GPR158: variants seen among roughly 807,000 people sequenced by gnomAD.
GPR158 encodes G protein-coupled receptor 158.
GPR158 carries 30 observed loss-of-function variants against 78.2 expected under a neutral mutation model. The ratio of observed to expected loss-of-function variants is 0.38; its 90% CI spans 0.29 to 0.52. The LOEUF (loss-of-function observed/expected upper bound fraction) is 0.52. Ranked by LOEUF, GPR158 falls within the 20% of genes least tolerant of loss-of-function variation. GPR158 has a pLI of 0.83. For synonymous variants in GPR158, 581 were observed against 591.1 expected (o/e 0.98, Z 0.25); for missense variants, 1,463 against 1,523.5 (o/e 0.96, Z 0.66).
At chr10:25,416,063 T>TA (rs1380063435) in intron 4 of GPR158, among the ~76,000 whole-genome samples, 1 of 152,176 alleles carries the variant, frequency 6.6e-6, no homozygotes, top group Non-Finnish European at 1.5e-5. Context: ...TATTAATACT[T>TA]ACCTTCTGGG....
intron 4 of GPR158, among the ~76,000 whole-genome samples, chr10:25,420,483 C>G (rs550792088): frequency 6.6e-6 from 1 of 152,196 alleles, no homozygotes; most frequent in Admixed American, 6.5e-5. Flanking sequence ...TGAAGTGTAT[C>G]TATTTTTTCT....
At chr10:25,207,940 A>G (rs1030446638) in intron 1 of GPR158, among the ~76,000 whole-genome samples, 7 of 152,206 alleles carry the variant, frequency 4.6e-5, no homozygotes, top group African/African-American at 1.4e-4. Flanking sequence ...TTTTGATATT[A>G]TTTTACTCTT....
intron 5 of GPR158, among the ~76,000 whole-genome samples, chr10:25,476,463 A>T (rs1381037213): frequency 6.6e-6 from 1 of 151,636 alleles, no homozygotes; most frequent in Non-Finnish European, 1.5e-5. Flanking sequence ...AAGGACTCCA[A>T]TGCATATGTA....
At chr10:25,280,854 G>A (rs1854259016) in intron 2 of GPR158, among the ~76,000 whole-genome samples, 1 of 152,106 alleles carries the variant, frequency 6.6e-6, no homozygotes, top group South Asian at 2.1e-4. Context: ...TTACTCATCA[G>A]GTTGGACGTG....
intron 4 of GPR158, among the ~76,000 whole-genome samples, chr10:25,442,523 T>C (rs542090702): frequency 6.6e-6 from 1 of 152,054 alleles, no homozygotes; most frequent in Non-Finnish European, 1.5e-5. Context: ...ACCTGGAGTC[T>C]CAACTGCCTA....
chr10:25,333,266 A>G (rs1353048917), intron 2 of GPR158, among the ~76,000 whole-genome samples: 1 of 152,224 alleles, frequency 6.6e-6, no homozygotes, highest in Non-Finnish European at 1.5e-5. Flanking sequence ...GCAGGAGCAC[A>G]TTAGAAATTT....
chr10:25,280,067 A>C lies in GPR158; in HGVS notation c.1008+58910A>C, dbSNP rs369946239. On this transcript the variant is annotated intron_variant, in intron 2 of 10. Transcript: ENST00000376351. ...AGCAATAAAAAAATTCCAAAAAAGCATAGAAAAATCAGGTCAAATAAAAAG... is the reference window on the plus strand; with the variant it reads ...AGCAATAAAAAAATTCCAAAAAAGCCTAGAAAAATCAGGTCAAATAAAAAG... 5.9e-5 allele frequency among the ~76,000 whole-genome samples: 9 copies of C among 152,284 alleles called. No individual in the cohort carries two copies. The East Asian group carries it at 1.2e-3, about 20-fold the overall frequency.
rs541062879 is a variant in GPR158 at position 25,602,144 on chromosome 10, T to C, written c.*2870T>C. On this transcript the variant is annotated 3_prime_UTR_variant, in exon 11 of 11. Coordinates refer to ENST00000376351, the MANE Select transcript of GPR158 (RefSeq NM_020752.3). ...ATCTGAAACCTACAGCATCCCACCA[T>C]GAAATATTTGGTAAATTTATGTTGT... 2.0e-5 allele frequency: 3 copies of C among 152,740 alleles called. No individual in the cohort carries two copies. Among genetic ancestry groups the C allele is most frequent in the East Asian group, 1.9e-4 (1 of 5,178 alleles). 9.5% of individuals were successfully genotyped at this position (152,740 alleles called of 1,614,324 possible).
intron 5 of GPR158, among the ~76,000 whole-genome samples, chr10:25,508,580 C>G (rs1306322704): frequency 6.6e-6 from 1 of 152,106 alleles, no homozygotes; most frequent in Non-Finnish European, 1.5e-5. Flanking sequence ...AGGCCTGTAG[C>G]TGTTTATCAG....
At chr10:25,299,042 T>C (rs1023315069) in intron 2 of GPR158, among the ~76,000 whole-genome samples, 2 of 152,224 alleles carry the variant, frequency 1.3e-5, no homozygotes, top group African/African-American at 4.8e-5. Context: ...TAATTGAACA[T>C]TTCTTTTAAA....
At chr10:25,595,550 G>A (rs1394790171) in intron 9 of GPR158, among the ~76,000 whole-genome samples, 1 of 152,182 alleles carries the variant, frequency 6.6e-6, no homozygotes, top group Non-Finnish European at 1.5e-5. Context: ...ATATCCATAC[G>A]ATGGATTATT....
chr10:25,517,371 T>C (rs1317275853), intron 5 of GPR158, among the ~76,000 whole-genome samples: 16 of 152,196 alleles, frequency 1.1e-4, no homozygotes, highest in South Asian at 6.2e-4. Flanking sequence ...ATTTCCTTCT[T>C]CTGCCTGATT....
At chr10:25,191,946 T>TAA (rs1852776566) in intron 1 of GPR158, among the ~76,000 whole-genome samples, 1 of 152,216 alleles carries the variant, frequency 6.6e-6, no homozygotes, top group Non-Finnish European at 1.5e-5. Flanking sequence ...TCTCTTTATG[T>TAA]AAACATCCTG....
intron 5 of GPR158, among the ~76,000 whole-genome samples, chr10:25,515,113 A>T (rs1374225038): frequency 6.6e-6 from 1 of 151,884 alleles, no homozygotes; most frequent in Non-Finnish European, 1.5e-5. Flanking sequence ...ATGTTTTCCA[A>T]ACTTTTCTTC....
chr10:25,178,206 G>A (rs1250158485), intron 1 of GPR158, among the ~76,000 whole-genome samples: 1 of 152,102 alleles, frequency 6.6e-6, no homozygotes, highest in African/African-American at 2.4e-5. Context: ...GCCCAGAGGG[G>A]TTCAGCTTCT....
At chr10:25,428,236 TTAATATC>T (rs1483380400) in intron 4 of GPR158, among the ~76,000 whole-genome samples, 2 of 152,100 alleles carry the variant, frequency 1.3e-5, no homozygotes, top group African/African-American at 4.8e-5. Flanking sequence ...ATCATTTTGT[TTAATATC>T]TATTTTCTTG....
At chr10:25,368,452 G>A (rs528588386) in intron 2 of GPR158, among the ~76,000 whole-genome samples, 1 of 151,812 alleles carries the variant, frequency 6.6e-6, no homozygotes, top group Non-Finnish European at 1.5e-5. Flanking sequence ...TTCAAAAGAA[G>A]ACATACATAT....
At chr10:25,534,434 C>G (rs1415377766) in intron 5 of GPR158, among the ~76,000 whole-genome samples, 1 of 151,846 alleles carries the variant, frequency 6.6e-6, no homozygotes, top group African/African-American at 2.4e-5. Context: ...GAGGTCAGTT[C>G]GAGACCACCC....
At chr10:25,367,502 T>C (rs534683834) in intron 2 of GPR158, among the ~76,000 whole-genome samples, 163 of 151,990 alleles carry the variant, frequency 1.1e-3, no homozygotes, top group African/African-American at 3.8e-3. Context: ...CACATTTCTA[T>C]ACAAAATTTG....
Sources: gnomAD v4.1 joint callset for allele counts (sites outside exome capture counted in the v4.1 genomes callset) on GRCh38, gnomAD v4.1.1 for gene constraint, MANE v1.5 for transcripts, NCBI Gene and HGNC (gene_info 2026-07-23, HGNC 2026-07-21) for gene names.